SCMH1: variants seen among roughly 807,000 people sequenced by gnomAD.
SCMH1 encodes the protein polycomb protein SCMH1.
SCMH1 carries 37 observed loss-of-function variants against 70.8 expected under a neutral mutation model. The ratio of observed to expected loss-of-function variants is 0.52; its 90% CI spans 0.40 to 0.69. The LOEUF is 0.69. SCMH1 is among the 30% of genes least tolerant of loss of function. The probability of loss-of-function intolerance (pLI) is 0.00; values close to 1 mark genes in which losing one functional copy is unlikely to be tolerated. For synonymous variants in SCMH1, 292 were observed against 307.4 expected, an observed-to-expected ratio of 0.95 and a Z score of 0.52; for missense variants, 607 against 827.3, an observed-to-expected ratio of 0.73 and a Z score of 3.27.
chr1:41,122,183 T>C (rs763310947), intron 6 of SCMH1, among the ~76,000 whole-genome samples: 1 of 152,220 alleles, frequency 6.6e-6, no homozygotes, highest in African/African-American at 2.4e-5. Flanking sequence ...TTATTATTCA[T>C]GTTTACAAGG....
intron 6 of SCMH1, among the ~76,000 whole-genome samples, chr1:41,117,539 C>T (rs542640852): frequency 4.3e-4 from 66 of 151,948 alleles, no homozygotes; most frequent in African/African-American, 1.4e-3. Flanking sequence ...CTCTACTCCT[C>T]CACCTCTTGC....
chr1:41,028,151 C>T lies in SCMH1; in HGVS notation c.*43G>A, dbSNP rs759997545. On this transcript the variant is annotated 3_prime_UTR_variant, in exon 15 of 15. Coordinates refer to ENST00000337495, the Ensembl canonical transcript of SCMH1. ...ATGCCCCTCATTCCTAGAAGAATGC[C>T]CCCACCTGCTGCCACTTGGTTGTCT... is the stretch of plus-strand genomic sequence containing the variant. 3.7e-6 allele frequency: 6 copies of T among 1,612,078 alleles called. No homozygotes were observed. The African/African-American group carries it at 6.7e-5, about 18-fold the overall frequency.
intron 12 of SCMH1, among the ~76,000 whole-genome samples, chr1:41,041,107 C>CT (rs1331466263): frequency 2.0e-5 from 3 of 151,978 alleles, no homozygotes; most frequent in Admixed American, 1.3e-4. Context: ...GAGCTTTCCC[C>CT]TTTATGGGTG....
intron 2 of SCMH1, among the ~76,000 whole-genome samples, chr1:41,171,466 G>A (rs1485776813): frequency 6.6e-6 from 1 of 151,844 alleles, no homozygotes; most frequent in Non-Finnish European, 1.5e-5. Flanking sequence ...TCATCCTGAA[G>A]CAGCTGGCTT....
At chr1:41,049,682 G>A (rs1427432677) in intron 10 of SCMH1, among the ~76,000 whole-genome samples, 6 of 150,290 alleles carry the variant, frequency 4.0e-5, no homozygotes, top group Non-Finnish European at 5.9e-5. Context: ...CAGGAGAATC[G>A]CTTGAACCTG....
intron 7 of SCMH1, among the ~76,000 whole-genome samples, chr1:41,115,237 G>C (rs898201442): frequency 3.3e-5 from 5 of 152,108 alleles, no homozygotes; most frequent in Non-Finnish European, 7.4e-5. Flanking sequence ...TTGTGTGCTT[G>C]ATTTATCAAT....
chr1:41,157,300 A>G (rs1005625575), intron 4 of SCMH1, among the ~76,000 whole-genome samples: 3 of 152,188 alleles, frequency 2.0e-5, no homozygotes, highest in Admixed American at 1.3e-4. Flanking sequence ...TTTATTTGCA[A>G]TTCTTTGATT....
At chr1:41,060,770 G>A (rs555076599) in intron 10 of SCMH1, among the ~76,000 whole-genome samples, 6 of 152,122 alleles carry the variant, frequency 3.9e-5, no homozygotes, top group Admixed American at 2.0e-4. Context: ...TCAGCCTCCT[G>A]AGTAGCTTGG....
intron 13 of SCMH1, among the ~76,000 whole-genome samples, chr1:41,036,549 T>C (rs1164576366): frequency 6.6e-6 from 1 of 152,226 alleles, no homozygotes; most frequent in Non-Finnish European, 1.5e-5. Context: ...AGTAACCTCC[T>C]AACTTGTTTA....
At chr1:41,234,438 G>A (rs1232872765) in intron 1 of SCMH1, among the ~76,000 whole-genome samples, 2 of 143,478 alleles carry the variant, frequency 1.4e-5, no homozygotes, top group Admixed American at 7.0e-5. Context: ...GCTGGGCAAC[G>A]GAGCAACTCT....
At chr1:41,053,361 T>C (rs1208585025) in intron 10 of SCMH1, among the ~76,000 whole-genome samples, 1 of 152,154 alleles carries the variant, frequency 6.6e-6, no homozygotes, top group Non-Finnish European at 1.5e-5. Context: ...GAAACAACAC[T>C]GTACCAGTTT....
At position 41,207,158 on chromosome 1, in the gene SCMH1, CATA is replaced by C. The variant is rs1398431909; in HGVS notation, c.-117-20911_-117-20909del. Among the ~76,000 whole-genome samples, 4 of 152,332 alleles carry C rather than the reference CATA, an allele frequency of 2.6e-5. No individual in the cohort carries two copies. The South Asian group carries it at 6.2e-4, about 24-fold the overall frequency. On this transcript the variant is annotated intron_variant, in intron 1 of 14. Coordinates refer to ENST00000337495, the Ensembl canonical transcript of SCMH1. The stretch of plus-strand genomic sequence containing the variant: ...TAATGGGCAAATAACCAGCTATCAT[CATA>C]ATGACAGGATCAAATTCACACATAA...
At chr1:41,138,253 TA>T (rs751191710) in intron 6 of SCMH1, among the ~76,000 whole-genome samples, 5 of 152,186 alleles carry the variant, frequency 3.3e-5, no homozygotes, top group African/African-American at 4.8e-5. Flanking sequence ...ATAGTTTTAC[TA>T]AAATATGTCT....
chr1:41,179,966 T>C (rs1260606170), intron 2 of SCMH1, among the ~76,000 whole-genome samples: 1 of 152,166 alleles, frequency 6.6e-6, no homozygotes, highest in Non-Finnish European at 1.5e-5. Context: ...AAATCCTCAA[T>C]AAAACACTGG....
chr1:41,158,161 A>T (rs1645714199), intron 4 of SCMH1, among the ~76,000 whole-genome samples: 1 of 152,158 alleles, frequency 6.6e-6, no homozygotes, highest in African/African-American at 2.4e-5. Context: ...AGCATGAGTA[A>T]AAAAGTGAAG....
chr1:41,128,419 C>T (rs532963717), intron 6 of SCMH1, among the ~76,000 whole-genome samples: 1 of 152,192 alleles, frequency 6.6e-6, no homozygotes, highest in South Asian at 2.1e-4. Flanking sequence ...GAAAGACATT[C>T]TTGCTTGGTA....
At chr1:41,035,603 C>A (rs542007474) in intron 13 of SCMH1, among the ~76,000 whole-genome samples, 11 of 152,294 alleles carry the variant, frequency 7.2e-5, no homozygotes, top group Admixed American at 5.9e-4. Context: ...GAAAGTGTGC[C>A]TCCTTTTGGC....
At chr1:41,163,424 C>A (rs1646204319) in intron 2 of SCMH1, among the ~76,000 whole-genome samples, 1 of 152,182 alleles carries the variant, frequency 6.6e-6, no homozygotes, top group Non-Finnish European at 1.5e-5. Context: ...TGGGCCCAAG[C>A]AAAACTCAGG....
intron 2 of SCMH1, among the ~76,000 whole-genome samples, chr1:41,170,262 T>C (rs1646697976): frequency 6.6e-6 from 1 of 152,202 alleles, no homozygotes. Flanking sequence ...GTTAGGATGC[T>C]ATATGTGGGG....
Sources: gnomAD v4.1 joint callset for allele counts (sites outside exome capture counted in the v4.1 genomes callset) on GRCh38, gnomAD v4.1.1 for gene constraint, MANE v1.5 for transcripts, NCBI Gene and HGNC (gene_info 2026-07-23, HGNC 2026-07-21) for gene names.